COL5A2: variants seen among roughly 807,000 people sequenced by gnomAD.
COL5A2 encodes collagen alpha-2(V) chain.
COL5A2 carries 23 observed loss-of-function variants against 208.2 expected under a neutral mutation model. That is an observed-to-expected ratio of 0.11 (90% confidence interval 0.08 to 0.16). The LOEUF is 0.16. COL5A2 is among the 10% of genes least tolerant of loss of function. COL5A2 has a pLI of 1.00. For missense variants in COL5A2, 1,590 were observed against 1,956.4 expected, an observed-to-expected ratio of 0.81 and a Z score of 3.53; for synonymous variants, 625 against 628.5, an observed-to-expected ratio of 0.99 and a Z score of 0.08.
intron 1 of COL5A2, among the ~76,000 whole-genome samples, chr2:189,136,737 A>G (rs1687834763): frequency 6.6e-6 from 1 of 151,808 alleles, no homozygotes; most frequent in South Asian, 2.1e-4. Context: ...TCTTACATTT[A>G]TTTTTAATAC....
chr2:189,156,570 T>A (rs1363592121), intron 1 of COL5A2, among the ~76,000 whole-genome samples: 1 of 152,184 alleles, frequency 6.6e-6, no homozygotes, highest in African/African-American at 2.4e-5. Context: ...AGTCTGGCTA[T>A]CCAGCTTTGT....
At chr2:189,323,960 G>A in the COL5A2 span, among the ~76,000 whole-genome samples, 1 of 152,152 alleles carries the variant, frequency 6.6e-6, no homozygotes, top group Middle Eastern at 3.2e-3. Flanking sequence ...CATGATACTA[G>A]TACCAAAACA....
In COL5A2 at chr2:189,129,579, A is replaced by G. The variant is rs116415412; in HGVS notation, c.98-19130T>C. ...TTACGTGCAAAAGCTACTAGGTACT[A>G]GGTGACATTTACTTTTGTAAATCAC... On this transcript the variant is annotated intron_variant, in intron 1 of 53. Coordinates refer to ENST00000374866, the MANE Select transcript of COL5A2 (RefSeq NM_000393.5). 5.0e-3 allele frequency among the ~76,000 whole-genome samples: 763 copies of G among 152,130 alleles called. 5 individuals are homozygous for G. The highest frequency in any genetic ancestry group is 0.017 in the African/African-American group (710 of 41,568).
At chr2:189,047,371 C>A (rs1300209575) in intron 45 of COL5A2, among the ~76,000 whole-genome samples, 1 of 152,032 alleles carries the variant, frequency 6.6e-6, no homozygotes, top group Non-Finnish European at 1.5e-5. Flanking sequence ...AGTAGATGAG[C>A]GGGACTTAGC....
intron 16 of COL5A2, 31 bp from the exon 17 acceptor site, chr2:189,075,468 T>C: frequency 6.4e-7 from 1 of 1,560,660 alleles, no homozygotes; most frequent in Non-Finnish European, 8.8e-7. Context: ...CAAGACAGGA[T>C]AAGATTACAT....
the COL5A2 span, among the ~76,000 whole-genome samples, chr2:189,281,066 G>GT: frequency 6.6e-6 from 1 of 151,844 alleles, no homozygotes; most frequent in Non-Finnish European, 1.5e-5. Context: ...ATATTTGCAC[G>GT]TTGTGTGGTT....
At chr2:189,080,060 G>T (rs1315936940) in intron 13 of COL5A2, 29 bp from the exon 14 acceptor site, 4 of 1,587,322 alleles carry the variant, frequency 2.5e-6, no homozygotes, top group Non-Finnish European at 3.5e-6. Flanking sequence ...ATTTGTATTT[G>T]TATCCTGTTT....
At chr2:189,237,157 C>T in the COL5A2 span, among the ~76,000 whole-genome samples, 2 of 151,590 alleles carry the variant, frequency 1.3e-5, no homozygotes, top group African/African-American at 4.8e-5. Flanking sequence ...TACCTCAGTT[C>T]AAGAAAGATT....
the COL5A2 span, among the ~76,000 whole-genome samples, chr2:189,439,601 G>A: frequency 2.0e-5 from 3 of 152,144 alleles, no homozygotes; most frequent in East Asian, 1.9e-4. Flanking sequence ...TAAAGACAAC[G>A]CACTATTAAT....
chr2:189,045,986 T>C (rs1034023889), intron 45 of COL5A2, 79 bp from the exon 46 acceptor site: 20 of 1,255,290 alleles, frequency 1.6e-5, no homozygotes, highest in African/African-American at 3.0e-5. Context: ...GTTATTCTTA[T>C]AGTATTAATA....
At position 189,079,109 on chromosome 2, in the gene COL5A2, T is replaced by TAA; in HGVS notation, c.961-4_961-3dup. 4 of 1,552,540 alleles carry TAA rather than the reference T, an allele frequency of 2.6e-6. No homozygotes were observed. The highest frequency in any genetic ancestry group is 2.6e-6 in the Non-Finnish European group (3 of 1,134,950). ...TGGACCAGTGGGGCCAGCTTCACCC[T>TAA]AAAAAAAAATGAGAATACATTACAG... On this transcript the variant is annotated splice_polypyrimidine_tract_variant and splice_region_variant and intron_variant, in intron 14 of 53. Transcript: ENST00000374866.
intron 1 of COL5A2, among the ~76,000 whole-genome samples, chr2:189,121,908 A>T (rs1425356213): frequency 1.3e-5 from 2 of 152,168 alleles, no homozygotes; most frequent in Admixed American, 6.5e-5. Context: ...AAACACTGTG[A>T]AGTAAGATAT....
chr2:189,358,081 T>C, the COL5A2 span, among the ~76,000 whole-genome samples: 55 of 152,084 alleles, frequency 3.6e-4, no homozygotes, highest in Admixed American at 2.0e-3. Context: ...CCCAATGAGA[T>C]AAACCGGGTA....
chr2:189,079,390 T>C (rs1686484000), intron 14 of COL5A2, among the ~76,000 whole-genome samples: 1 of 152,186 alleles, frequency 6.6e-6, no homozygotes, highest in African/African-American at 2.4e-5. Context: ...TCTGGCTATG[T>C]CTGATACGTC....
chr2:189,074,624 C>A (rs1008672386), intron 17 of COL5A2, among the ~76,000 whole-genome samples: 1 of 152,100 alleles, frequency 6.6e-6, no homozygotes, highest in African/African-American at 2.4e-5. Context: ...TCATTTATTC[C>A]CATTCTAAAC....
chr2:189,137,184 A>G (rs1464459463), intron 1 of COL5A2, among the ~76,000 whole-genome samples: 1 of 152,242 alleles, frequency 6.6e-6, no homozygotes, highest in Non-Finnish European at 1.5e-5. Context: ...TAGCAATAGA[A>G]TGTGATTTAT....
At chr2:189,190,897 C>T (rs1451821544) in intron 1 of COL5A2, among the ~76,000 whole-genome samples, 1 of 152,076 alleles carries the variant, frequency 6.6e-6, no homozygotes, top group Admixed American at 6.6e-5. Context: ...ATTGTCCTGG[C>T]CCACCAAAGG....
At chr2:189,187,761 A>T (rs1386570961) in intron 1 of COL5A2, among the ~76,000 whole-genome samples, 2 of 152,066 alleles carry the variant, frequency 1.3e-5, no homozygotes, top group Non-Finnish European at 2.9e-5. Flanking sequence ...ACGAGTCAGG[A>T]GATCGAGACC....
the COL5A2 span, among the ~76,000 whole-genome samples, chr2:189,415,673 T>C: frequency 6.6e-6 from 1 of 152,236 alleles, no homozygotes; most frequent in Admixed American, 6.5e-5. Context: ...CATTTTTCTT[T>C]TTTTTGGAGA....
Sources: allele counts gnomAD v4.1 joint callset (sites outside exome capture counted in the v4.1 genomes callset), GRCh38; gene constraint gnomAD v4.1.1; transcripts MANE v1.5; gene names NCBI Gene and HGNC (gene_info 2026-07-23, HGNC 2026-07-21).